The following AHCTF1 variants were observed in gnomAD, a reference collection of about 807,000 sequenced individuals.
AHCTF1 encodes the protein protein ELYS.
Under a neutral mutation model 248.4 loss-of-function variants are expected in AHCTF1, and 24 were observed. The ratio of observed to expected loss-of-function variants is 0.10; its 90% CI spans 0.07 to 0.14. AHCTF1 has a LOEUF of 0.14. Among genes scored for constraint, AHCTF1 ranks in the 10% least tolerant of loss-of-function variants. AHCTF1 has a pLI of 1.00. For missense variants in AHCTF1, 2,206 were observed against 2,636.2 expected (o/e 0.84, Z 3.57); for synonymous variants, 786 against 929.8 (o/e 0.85, Z 2.81).
intron 24 of AHCTF1, among the ~76,000 whole-genome samples, chr1:246,875,546 TAC>T (rs1662877285): frequency 6.6e-6 from 1 of 152,200 alleles, no homozygotes; most frequent in Non-Finnish European, 1.5e-5. Context: ...TATCACATGC[TAC>T]AGAGAAACTC....
intron 17 of AHCTF1, among the ~76,000 whole-genome samples, chr1:246,889,041 G>T (rs755750960): frequency 6.6e-6 from 1 of 152,118 alleles, no homozygotes; most frequent in Non-Finnish European, 1.5e-5. Context: ...TCAAGGTGAG[G>T]TCCCCATGTG....
At chr1:246,891,942 T>A (rs375097328) in intron 14 of AHCTF1, 23 bp from the exon 15 acceptor site, 80 of 1,569,346 alleles carry the variant, frequency 5.1e-5, no homozygotes, top group South Asian at 1.2e-4. Context: ...AAAGAAAAGA[T>A]AAGTTTCCAT....
rs760179640 is a variant in AHCTF1, at chr1:246,853,051, T to C, written c.4563+40A>G. Reference sequence around the variant, plus strand: ...TGTCTTGAAACAACTAAACCAAAACTGAAAGACTGATAAAGAAGTAAAAAA... The same window carrying C: ...TGTCTTGAAACAACTAAACCAAAACCGAAAGACTGATAAAGAAGTAAAAAA... On this transcript the variant is annotated intron_variant, in intron 32 of 35. Coordinates refer to ENST00000648844, the MANE Select transcript of AHCTF1 (RefSeq NM_001323342.2). 12 of 1,505,540 alleles carry C rather than the reference T, an allele frequency of 8.0e-6. No homozygotes were observed. The South Asian group carries it at 1.1e-4, about 14-fold the overall frequency. The allele number at this position is 1,505,540 out of a possible 1,614,324, so 93.3% of individuals were successfully genotyped here.
chr1:246,883,635 G>T (rs909680340), intron 21 of AHCTF1, among the ~76,000 whole-genome samples: 3 of 152,126 alleles, frequency 2.0e-5, no homozygotes, highest in Admixed American at 2.0e-4. Context: ...TAGCAACCCT[G>T]AAGTCATTCT....
intron 1 of AHCTF1, among the ~76,000 whole-genome samples, chr1:246,922,948 A>T (rs1334953847): frequency 1.4e-5 from 2 of 138,240 alleles, no homozygotes; most frequent in African/African-American, 5.5e-5. Flanking sequence ...GCACCACTGC[A>T]CTCTAGCCTG....
chr1:246,863,388 A>C (rs1661719796), intron 27 of AHCTF1, among the ~76,000 whole-genome samples: 1 of 151,784 alleles, frequency 6.6e-6, no homozygotes, highest in South Asian at 2.1e-4. Context: ...AAAAAAAAAC[A>C]AAACTTTAAA....
chr1:246,906,210 G>C (rs1265187258), intron 5 of AHCTF1, among the ~76,000 whole-genome samples: 3 of 152,152 alleles, frequency 2.0e-5, no homozygotes, highest in Non-Finnish European at 4.4e-5. Flanking sequence ...ACCAAGAGAT[G>C]ATAGTGTTAG....
At position 246,918,239 on chromosome 1, in the gene AHCTF1, A is replaced by G. The variant is rs1291268982; in HGVS notation, c.121+11T>C. ...ATTGTATTAGTAAATGTTCAGTGAC[A>G]TTATGTTTACCTGCAGCAAACTTTC... is the stretch of plus-strand genomic sequence containing the variant. On this transcript the variant is annotated intron_variant, in intron 2 of 35. Coordinates refer to ENST00000648844, the MANE Select transcript of AHCTF1 (RefSeq NM_001323342.2). The G allele has an allele frequency of 1.9e-6, 3 of 1,604,022 alleles. No homozygotes were observed. The highest frequency in any genetic ancestry group is 3.4e-5 in the Admixed American group (2 of 59,302).
At chr1:246,887,505 A>G in intron 19 of AHCTF1, 148 bp from the exon 20 acceptor site, 1 of 761,702 alleles carries the variant, frequency 1.3e-6, no homozygotes, top group Non-Finnish European at 2.0e-6. Flanking sequence ...GAGAGTCAGC[A>G]ATGAGAAGAT....
In AHCTF1 at chr1:246,867,524, A is replaced by G. The variant is rs1451539823; in HGVS notation, c.3239+137T>C. On this transcript the variant is annotated intron_variant, in intron 25 of 35. Transcript: ENST00000648844. ...GTTTTTAAAAATTCTTCTCAGAAACATAGCCAACATAAAGAGTTTTTCTTT... is the reference window on the plus strand; with the variant it reads ...GTTTTTAAAAATTCTTCTCAGAAACGTAGCCAACATAAAGAGTTTTTCTTT... The G allele has an allele frequency of 3.3e-6, 4 of 1,201,904 alleles. No homozygotes were observed. In the East Asian group the frequency reaches 9.9e-5, roughly 30 times the overall value. 74.5% of individuals were successfully genotyped at this position (1,201,904 alleles called of 1,614,324 possible). A position where few individuals can be genotyped will look rare whatever the true frequency, so the allele number is the denominator to read the frequency against.
intron 30 of AHCTF1, among the ~76,000 whole-genome samples, chr1:246,856,299 G>A (rs906830325): frequency 6.6e-6 from 1 of 152,072 alleles, no homozygotes; most frequent in Non-Finnish European, 1.5e-5. Context: ...AATAAATCCT[G>A]GAATATGATG....
rs187592476 is a variant in AHCTF1, at chr1:246,840,674, T to A, written c.*132A>T. ...ACTCCATATGGAGTTACTTTACTTA[T>A]TGAAGACCTTCTGTTTACATAAAAA... is the stretch of plus-strand genomic sequence containing the variant. On this transcript the variant is annotated 3_prime_UTR_variant, in exon 36 of 36. Transcript: ENST00000648844. 5.1e-4 allele frequency: 328 copies of A among 649,104 alleles called. 3 individuals are homozygous for A. The highest frequency in any genetic ancestry group is 5.2e-5 in the Non-Finnish European group (22 of 424,292). The allele number at this position is 649,104 out of a possible 1,614,324, so 40.2% of individuals were successfully genotyped here. A position where few individuals can be genotyped will look rare whatever the true frequency, so the allele number is the denominator to read the frequency against.
At chr1:246,886,578 A>T (rs1572416691) in intron 20 of AHCTF1, among the ~76,000 whole-genome samples, 1 of 152,182 alleles carries the variant, frequency 6.6e-6, no homozygotes, top group East Asian at 1.9e-4. Flanking sequence ...GTACATGTTC[A>T]GTACAGACCC....
chr1:246,877,857 A>C (rs555990403), intron 21 of AHCTF1, among the ~76,000 whole-genome samples: 13 of 152,292 alleles, frequency 8.5e-5, no homozygotes, highest in Non-Finnish European at 1.2e-4. Flanking sequence ...ATTTAAATGA[A>C]GGAGTGTTTC....
intron 11 of AHCTF1, among the ~76,000 whole-genome samples, chr1:246,898,663 C>G (rs1470993594): frequency 7.2e-6 from 1 of 138,468 alleles, no homozygotes; most frequent in African/African-American, 2.9e-5. Flanking sequence ...CACACACACA[C>G]AGGAAAACTC....
chr1:246,883,791 T>C (rs1663623587), intron 21 of AHCTF1, among the ~76,000 whole-genome samples: 1 of 152,170 alleles, frequency 6.6e-6, no homozygotes. Flanking sequence ...GACTGGAAAA[T>C]TGAGACTTTT....
intron 32 of AHCTF1, among the ~76,000 whole-genome samples, chr1:246,851,668 TA>T (rs1266420978): frequency 6.6e-6 from 1 of 152,190 alleles, no homozygotes; most frequent in African/African-American, 2.4e-5. Context: ...GAAATTTAAC[TA>T]GAAATTCTAC....
chr1:246,892,810 A>AT (rs11436581), intron 14 of AHCTF1, among the ~76,000 whole-genome samples: 91,096 of 150,552 alleles, frequency 0.61, 29,719 homozygotes, highest in African/African-American at 0.87. Context: ...TAAAAAAAAG[A>AT]TTTTTTTTTG....
intron 21 of AHCTF1, among the ~76,000 whole-genome samples, chr1:246,880,747 T>C (rs757187820): frequency 1.3e-5 from 2 of 152,130 alleles, no homozygotes; most frequent in African/African-American, 4.8e-5. Context: ...GTTTCCCCCA[T>C]AGCAGGAAAA....
Sources: gnomAD v4.1 joint callset for allele counts (sites outside exome capture counted in the v4.1 genomes callset) on GRCh38, gnomAD v4.1.1 for gene constraint, MANE v1.5 for transcripts, NCBI Gene and HGNC (gene_info 2026-07-23, HGNC 2026-07-21) for gene names.